MREG: variants seen among roughly 807,000 people sequenced by gnomAD.
MREG encodes the protein dilute suppressor protein homolog.
Under a neutral mutation model 28.5 loss-of-function variants are expected in MREG, and 31 were observed. The observed-to-expected ratio is 1.09, with a 90% CI of 0.82 to 1.47. MREG has a LOEUF of 1.47. Ranked by LOEUF, MREG falls within the 40% of genes most tolerant of loss-of-function variation. The pLI is 0.00. For missense variants in MREG, 256 were observed against 257.4 expected (o/e 0.99, Z 0.04); for synonymous variants, 106 against 95.2 (o/e 1.11, Z -0.66).
At chr2:215,987,871 C>T (rs1265601263) in intron 2 of MREG, among the ~76,000 whole-genome samples, 1 of 151,688 alleles carries the variant, frequency 6.6e-6, no homozygotes, top group East Asian at 1.9e-4. Context: ...CCATTGCACT[C>T]CAGCCTGGGC....
chr2:215,948,969 GA>G (rs1692391382), intron 2 of MREG, among the ~76,000 whole-genome samples: 1 of 151,596 alleles, frequency 6.6e-6, no homozygotes, highest in Non-Finnish European at 1.5e-5. Context: ...TTGGAACACA[GA>G]GGTGAGCAGA....
chr2:215,953,177 T>C (rs1692532362), intron 2 of MREG, among the ~76,000 whole-genome samples: 1 of 152,264 alleles, frequency 6.6e-6, no homozygotes, highest in Non-Finnish European at 1.5e-5. Context: ...ACAAGTAATA[T>C]GATGTTTTCT....
rs189113490 is a variant in MREG at position 215,953,508 on chromosome 2, T to C, written c.256-6395A>G. Among the ~76,000 whole-genome samples the C allele has an allele frequency of 6.6e-5, 10 of 152,306 alleles. No individual in the cohort carries two copies. In the East Asian group the frequency reaches 1.9e-3, roughly 29 times the overall value. ...TCAAGCCAAAAGAGAGGCAGTGAAA[T>C]CCATGAAGCTTCTGGAGCAATCAGG... On this transcript the variant is annotated intron_variant, in intron 2 of 4. Coordinates refer to ENST00000263268, the MANE Select transcript of MREG (RefSeq NM_018000.3).
intron 1 of MREG, among the ~76,000 whole-genome samples, chr2:216,020,683 G>C (rs1030712126): frequency 1.1e-4 from 17 of 152,362 alleles, no homozygotes; most frequent in Middle Eastern, 6.8e-3. Flanking sequence ...GGCAGGGCCA[G>C]AGAAAACATC....
intron 2 of MREG, among the ~76,000 whole-genome samples, chr2:215,957,238 GAACTTTTCT>G (rs952645936): frequency 1.3e-5 from 2 of 152,212 alleles, no homozygotes; most frequent in African/African-American, 2.4e-5. Context: ...GGAGAAAACA[GAACTTTTCT>G]AGAAGCAGAG....
chr2:216,026,721 T>TAC (rs144405857), intron 1 of MREG, among the ~76,000 whole-genome samples: 4,676 of 151,278 alleles, frequency 0.031, 192 homozygotes, highest in African/African-American at 0.097. Context: ...GGGTAAAACA[T>TAC]ACACACACAC....
chr2:215,991,304 C>T (rs1333753285), intron 2 of MREG, among the ~76,000 whole-genome samples: 1 of 152,046 alleles, frequency 6.6e-6, no homozygotes, highest in Non-Finnish European at 1.5e-5. Flanking sequence ...GGGTAAATAA[C>T]AAAATTAAGG....
chr2:216,004,486 G>A (rs1694099534), intron 1 of MREG, among the ~76,000 whole-genome samples: 1 of 151,560 alleles, frequency 6.6e-6, no homozygotes, highest in Non-Finnish European at 1.5e-5. Flanking sequence ...GGAGGTTGCA[G>A]TGAGCAGAGA....
At chr2:215,992,542 A>G (rs186248126) in intron 2 of MREG, among the ~76,000 whole-genome samples, 2 of 152,320 alleles carry the variant, frequency 1.3e-5, no homozygotes, top group Non-Finnish European at 2.9e-5. Flanking sequence ...CCTATTCAAC[A>G]TAGTATTGGA....
At chr2:215,940,662 C>A (rs908839473), downstream of MREG, among the ~76,000 whole-genome samples, 1 of 152,072 alleles carries the variant, frequency 6.6e-6, no homozygotes, top group Non-Finnish European at 1.5e-5. Context: ...CAGTTGGGTT[C>A]CCTGAGGGAA....
intron 2 of MREG, among the ~76,000 whole-genome samples, chr2:215,954,528 T>C (rs374520544): frequency 5.3e-5 from 8 of 151,376 alleles, no homozygotes; most frequent in African/African-American, 1.7e-4. Flanking sequence ...GATGACACTC[T>C]GGTGAAGTTA....
rs1473300661 is a variant in MREG, at chr2:216,013,256, C to A, written c.72G>T (p.Leu24=). Residue 24 remains leucine, a synonymous_variant, in exon 1 of 5, where the codon CTG becomes CTT. Coordinates refer to ENST00000263268, the MANE Select transcript of MREG (RefSeq NM_018000.3). Reference sequence around the variant, plus strand: ...ACCTGACGAGGGGCTCCTTCTCAGGCAGGGCGCGCTCCTCCAAGCACTCGC... The same window carrying A: ...ACCTGACGAGGGGCTCCTTCTCAGGAAGGGCGCGCTCCTCCAAGCACTCGC... The part of the protein sequence containing the change: ...CGCECLEERA[L]PEKEPLVSDN... The A allele has an allele frequency of 4.5e-6, 7 of 1,549,770 alleles. No homozygotes were observed. The highest frequency in any genetic ancestry group is 4.4e-6 in the Non-Finnish European group (5 of 1,146,712).
chr2:216,010,515 A>G (rs373347579), intron 1 of MREG, among the ~76,000 whole-genome samples: 50 of 150,368 alleles, frequency 3.3e-4, no homozygotes, highest in African/African-American at 1.2e-3. Flanking sequence ...CCGCCACTAC[A>G]CCCGGCTAAT....
At chr2:215,969,770 A>C (rs1272048517) in intron 2 of MREG, among the ~76,000 whole-genome samples, 1 of 151,914 alleles carries the variant, frequency 6.6e-6, no homozygotes, top group Non-Finnish European at 1.5e-5. Context: ...AGACCAGCAG[A>C]CCCAGGGAGA....
chr2:215,965,424 T>C (rs532513207), intron 2 of MREG, among the ~76,000 whole-genome samples: 11 of 151,888 alleles, frequency 7.2e-5, no homozygotes, highest in Non-Finnish European at 1.5e-4. Context: ...CCCAGCAGAG[T>C]TGAGGTCATC....
chr2:215,969,590 C>A (rs1233268831), intron 2 of MREG, among the ~76,000 whole-genome samples: 4 of 152,136 alleles, frequency 2.6e-5, no homozygotes, highest in Admixed American at 6.5e-5. Context: ...AGAGGAGAAA[C>A]CCTGAACTTA....
At chr2:215,988,207 T>C (rs753899830) in intron 2 of MREG, among the ~76,000 whole-genome samples, 3 of 152,098 alleles carry the variant, frequency 2.0e-5, no homozygotes, top group Non-Finnish European at 4.4e-5. Flanking sequence ...GCTTATCTCA[T>C]TGGGACTGGT....
intron 1 of MREG, among the ~76,000 whole-genome samples, chr2:216,002,658 C>T (rs1400079635): frequency 6.6e-6 from 1 of 152,094 alleles, no homozygotes; most frequent in Non-Finnish European, 1.5e-5. Context: ...GGCCTGCTAC[C>T]CCCCTGGCTT....
At chr2:216,017,323 T>C (rs774948780), upstream of MREG, among the ~76,000 whole-genome samples, 1 of 152,214 alleles carries the variant, frequency 6.6e-6, no homozygotes, top group Non-Finnish European at 1.5e-5. Flanking sequence ...TAGGGATTTT[T>C]AGATCAGTTT....
Sources: gnomAD v4.1 joint callset for allele counts (sites outside exome capture counted in the v4.1 genomes callset) on GRCh38, gnomAD v4.1.1 for gene constraint, MANE v1.5 for transcripts, NCBI Gene and HGNC (gene_info 2026-07-23, HGNC 2026-07-21) for gene names.